RGMA: variants seen among roughly 807,000 people sequenced by gnomAD.
RGMA encodes the protein repulsive guidance molecule A.
In RGMA, 10 loss-of-function variants were observed where a neutral mutation model predicts 23.2. The observed-to-expected ratio is 0.43, with a 90% CI of 0.27 to 0.73. RGMA has a LOEUF of 0.73. Among genes scored for constraint, RGMA ranks in the 30% least tolerant of loss-of-function variants. RGMA has a pLI of 0.20. For missense variants in RGMA, 547 were observed against 630.5 expected, an observed-to-expected ratio of 0.87 and a Z score of 1.42; for synonymous variants, 308 against 279.3, an observed-to-expected ratio of 1.10 and a Z score of -1.03.
At position 93,038,585 on chromosome 15, in the gene RGMA, T is replaced by G. The variant is rs2054686879; in HGVS notation, c.*6413A>C. ...CTGTTAGTTGTTTTTTTTTTTTTTT[T>G]GAGACGGTGTCTTGCTCTGTCGCCC... On this transcript the variant is annotated 3_prime_UTR_variant, in exon 4 of 4. Transcript: ENST00000329082. 6.8e-6 allele frequency: 1 copy of G among 146,030 alleles called. No individual in the cohort carries two copies. Among genetic ancestry groups the G allele is most frequent in the African/African-American group, 2.6e-5 (1 of 38,028 alleles). The allele number at this position is 146,030 out of a possible 1,614,324, so 9.0% of individuals were successfully genotyped here.
chr15:93,047,490 A>G (rs868377673), intron 3 of RGMA, among the ~76,000 whole-genome samples: 6 of 152,012 alleles, frequency 3.9e-5, no homozygotes, highest in Middle Eastern at 3.2e-3. Flanking sequence ...TCCCACCTTT[A>G]TCTGCTGCAC....
At chr15:93,077,207 C>T (rs1338799139) in intron 1 of RGMA, among the ~76,000 whole-genome samples, 3 of 148,094 alleles carry the variant, frequency 2.0e-5, no homozygotes, top group African/African-American at 8.0e-5. Flanking sequence ...TGTGAAGCAC[C>T]TGGGAGCCCA....
chr15:93,061,020 T>C (rs891439886), intron 2 of RGMA, among the ~76,000 whole-genome samples: 1 of 152,222 alleles, frequency 6.6e-6, no homozygotes, highest in African/African-American at 2.4e-5. Flanking sequence ...GTGTCACCCA[T>C]CTGCCCTTGC....
At chr15:93,088,026 T>C (rs1895668168) in intron 1 of RGMA, among the ~76,000 whole-genome samples, 1 of 152,168 alleles carries the variant, frequency 6.6e-6, no homozygotes, top group South Asian at 2.1e-4. Context: ...TTCCGCTAGA[T>C]GGCGCTACTT....
intron 1 of RGMA, among the ~76,000 whole-genome samples, chr15:93,077,050 G>A (rs1423109841): frequency 1.3e-5 from 2 of 152,212 alleles, no homozygotes; most frequent in Non-Finnish European, 2.9e-5. Context: ...CAAGGGAGGG[G>A]ATGGCAGGGA....
intron 3 of RGMA, among the ~76,000 whole-genome samples, chr15:93,050,320 C>T (rs911099778): frequency 2.0e-5 from 3 of 152,284 alleles, no homozygotes; most frequent in Middle Eastern, 3.4e-3. Context: ...GGGGGCAGGC[C>T]AAAGGTGCCT....
At chr15:93,082,632 G>T (rs34925346) in intron 1 of RGMA, among the ~76,000 whole-genome samples, 1 of 152,100 alleles carries the variant, frequency 6.6e-6, no homozygotes, top group Non-Finnish European at 1.5e-5. Flanking sequence ...CATTAGAAAG[G>T]GGAATATGTT....
rs2054739136 is a variant in RGMA, at chr15:93,042,639, G to A, written c.*2359C>T. 6.6e-6 allele frequency: 1 copy of A among 152,258 alleles called. No homozygotes were observed. The highest frequency in any genetic ancestry group is 2.1e-4 in the South Asian group (1 of 4,838). 9.4% of individuals were successfully genotyped at this position (152,258 alleles called of 1,614,324 possible). On this transcript the variant is annotated 3_prime_UTR_variant, in exon 4 of 4. Transcript: ENST00000329082. ...AGGACAATACTAACCTAGGTGCACA[G>A]GTTGTCCTTCCCGTTGCTAAGGAGC... is the stretch of plus-strand genomic sequence containing the variant.
At chr15:93,065,047 G>A (rs968908671) in intron 2 of RGMA, among the ~76,000 whole-genome samples, 7 of 151,350 alleles carry the variant, frequency 4.6e-5, no homozygotes, top group South Asian at 2.1e-4. Flanking sequence ...GTGGGATCTC[G>A]GCTCACTGCA....
rs940397544 is a variant in RGMA, at chr15:93,040,799, A to G, written c.*4199T>C. ...ATAGAGTTATCAAATGGATAAATAA[A>G]TGCAATTGCAGAGAGGAGGCGGCCA... On this transcript the variant is annotated 3_prime_UTR_variant, in exon 4 of 4. Transcript: ENST00000329082. 2 of 152,206 alleles carry G rather than the reference A, an allele frequency of 1.3e-5. No individual in the cohort carries two copies. The highest frequency in any genetic ancestry group is 4.8e-5 in the African/African-American group (2 of 41,436). The allele number at this position is 152,206 out of a possible 1,614,324, so 9.4% of individuals were successfully genotyped here. A position where few individuals can be genotyped will look rare whatever the true frequency, so the allele number is the denominator to read the frequency against.
intron 3 of RGMA, among the ~76,000 whole-genome samples, chr15:93,047,633 G>A (rs968475586): frequency 6.6e-6 from 1 of 151,570 alleles, no homozygotes; most frequent in Non-Finnish European, 1.5e-5. Flanking sequence ...AGAGCTCCCA[G>A]GGGATCCCAC....
intron 1 of RGMA, among the ~76,000 whole-genome samples, chr15:93,077,943 A>G (rs1396664370): frequency 6.6e-6 from 1 of 152,224 alleles, no homozygotes; most frequent in African/African-American, 2.4e-5. Flanking sequence ...CCTGGGCTCA[A>G]GTGATCTGCC....
Position 93,045,927 on chromosome 15 carries a change from T to G in RGMA, c.646-222A>C, listed in dbSNP as rs1303602092. On this transcript the variant is annotated intron_variant, in intron 3 of 3. Transcript: ENST00000329082. This position sits in a 1 kb window ranked among gnomAD's most constrained non-coding sequence, Gnocchi z 6.9. ...GCCCTTTTTACTTTAAAAAGTGACT[T>G]AGAAAAATGTTAGACCACTACCCTA... is the stretch of plus-strand genomic sequence containing the variant. Among the ~76,000 whole-genome samples the G allele has an allele frequency of 6.6e-6, 1 of 152,172 alleles. No homozygotes were observed. The highest frequency in any genetic ancestry group is 1.5e-5 in the Non-Finnish European group (1 of 68,032).
At chr15:93,073,083 A>C in intron 1 of RGMA, 52 bp from the exon 2 acceptor site, 3 of 1,476,970 alleles carry the variant, frequency 2.0e-6, no homozygotes, top group Non-Finnish European at 2.7e-6. Context: ...CTGCGAAGAA[A>C]GGGCAGCCTC....
chr15:93,073,174 G>A (rs1424700335), intron 1 of RGMA, 143 bp from the exon 2 acceptor site: 3 of 1,202,982 alleles, frequency 2.5e-6, no homozygotes, highest in South Asian at 3.7e-5. Flanking sequence ...TTCCCGCGCC[G>A]CCCCCCGCGC....
intron 1 of RGMA, among the ~76,000 whole-genome samples, chr15:93,084,312 T>C (rs1010188197): frequency 1.3e-5 from 2 of 152,206 alleles, no homozygotes; most frequent in Non-Finnish European, 2.9e-5. Context: ...CAAGCCTCTT[T>C]TGGATGAGCA....
chr15:93,049,637 A>G (rs574848389), intron 3 of RGMA, among the ~76,000 whole-genome samples: 60 of 152,358 alleles, frequency 3.9e-4, no homozygotes, highest in Non-Finnish European at 5.6e-4. Flanking sequence ...AAAGGCCCCT[A>G]GTGATGCCCG....
intron 3 of RGMA, among the ~76,000 whole-genome samples, chr15:93,046,270 T>C (rs2054823094): frequency 6.6e-6 from 1 of 152,144 alleles, no homozygotes; most frequent in Non-Finnish European, 1.5e-5. Context: ...GAAGGTGATG[T>C]GCTCAACAAG....
chr15:93,065,252 G>A (rs557982310), intron 2 of RGMA, among the ~76,000 whole-genome samples: 3 of 151,974 alleles, frequency 2.0e-5, no homozygotes, highest in South Asian at 2.1e-4. Flanking sequence ...GTTGGGGGCC[G>A]GGAGAAAACA....
Sources: allele counts gnomAD v4.1 joint callset (sites outside exome capture counted in the v4.1 genomes callset), GRCh38; gene constraint gnomAD v4.1.1; non-coding constraint Gnocchi (gnomAD v3.1); transcripts MANE v1.5; gene names NCBI Gene and HGNC (gene_info 2026-07-23, HGNC 2026-07-21).